The following GPHN variants were observed in gnomAD, a reference collection of about 807,000 sequenced individuals.
GPHN encodes the protein gephyrin.
In GPHN, 17 loss-of-function variants were observed where a neutral mutation model predicts 95.5. That is an observed-to-expected ratio of 0.18 (90% CI 0.12 to 0.27). GPHN has a LOEUF of 0.27. Ranked by LOEUF, GPHN falls within the 10% of genes least tolerant of loss-of-function variation. GPHN has a pLI of 1.00. For missense variants in GPHN, 660 were observed against 978.1 expected, an observed-to-expected ratio of 0.67 and a Z score of 4.34; for synonymous variants, 320 against 322.5, an observed-to-expected ratio of 0.99 and a Z score of 0.08.
chr14:67,423,776 T>C, the GPHN span, among the ~76,000 whole-genome samples: 1 of 152,220 alleles, frequency 6.6e-6, no homozygotes, highest in African/African-American at 2.4e-5. Context: ...GGTGAGTGTG[T>C]GGCTGTCACA....
the GPHN span, among the ~76,000 whole-genome samples, chr14:67,409,392 TA>T: frequency 1.3e-5 from 2 of 151,960 alleles, no homozygotes; most frequent in Non-Finnish European, 2.9e-5. Context: ...AAATACAAAA[TA>T]AAATAAAAAT....
the GPHN span, among the ~76,000 whole-genome samples, chr14:67,543,264 A>G: frequency 6.6e-6 from 1 of 152,246 alleles, no homozygotes; most frequent in Non-Finnish European, 1.5e-5. Context: ...GCTGGAGTCC[A>G]GCAGGACAAA....
intron 1 of GPHN, among the ~76,000 whole-genome samples, chr14:66,582,537 C>T (rs541037754): frequency 3.0e-4 from 46 of 151,806 alleles, no homozygotes; most frequent in Non-Finnish European, 4.3e-4. Context: ...CTCCCCTCTC[C>T]CCCCACCCCA....
At chr14:67,101,934 C>T (rs966682474) in intron 13 of GPHN, among the ~76,000 whole-genome samples, 23 of 151,998 alleles carry the variant, frequency 1.5e-4, no homozygotes, top group Non-Finnish European at 2.1e-4. Context: ...TGCAGTGGCG[C>T]GATCTCGGCT....
chr14:67,438,353 C>A, the GPHN span, among the ~76,000 whole-genome samples: 1 of 152,186 alleles, frequency 6.6e-6, no homozygotes, highest in East Asian at 1.9e-4. Context: ...TTCTCAGTTC[C>A]CTTCTCTGAG....
At chr14:66,712,821 T>A (rs545536755) in intron 2 of GPHN, among the ~76,000 whole-genome samples, 2 of 152,308 alleles carry the variant, frequency 1.3e-5, no homozygotes, top group East Asian at 3.9e-4. Context: ...GTTTTTGGTT[T>A]TTTGATTATG....
the GPHN span, among the ~76,000 whole-genome samples, chr14:67,328,311 C>T: frequency 6.6e-6 from 1 of 152,090 alleles, no homozygotes; most frequent in East Asian, 1.9e-4. Flanking sequence ...TATCCTTTGC[C>T]CACTTTTTGA....
intron 2 of GPHN, among the ~76,000 whole-genome samples, chr14:66,685,914 A>G (rs1421724578): frequency 2.6e-5 from 4 of 152,124 alleles, no homozygotes; most frequent in African/African-American, 4.8e-5. Flanking sequence ...ATCTTGAATT[A>G]ATTTTTGTAT....
chr14:67,438,631 T>G, the GPHN span, among the ~76,000 whole-genome samples: 1 of 151,796 alleles, frequency 6.6e-6, no homozygotes, highest in Non-Finnish European at 1.5e-5. Context: ...GAGGTCGAGG[T>G]GGGTGGATCA....
the GPHN span, chr14:67,390,869 A>C: frequency 1.3e-6 from 1 of 765,922 alleles, no homozygotes; most frequent in Non-Finnish European, 2.4e-6. Flanking sequence ...ACATTCTAAA[A>C]CCAGTCCACA....
intron 4 of GPHN, among the ~76,000 whole-genome samples, chr14:66,842,074 C>T (rs2062118518): frequency 6.7e-6 from 1 of 149,266 alleles, no homozygotes; most frequent in Admixed American, 6.7e-5. Context: ...CCCAACCCCC[C>T]CAGCCCCGCC....
At chr14:66,516,213 T>A (rs2058240820) in intron 1 of GPHN, among the ~76,000 whole-genome samples, 1 of 151,580 alleles carries the variant, frequency 6.6e-6, no homozygotes, top group South Asian at 2.1e-4. Flanking sequence ...AGACAGAGTT[T>A]TACCATGTTG....
At chr14:67,223,687 C>A in the GPHN span, 1 of 954,220 alleles carries the variant, frequency 1.0e-6, no homozygotes, top group Non-Finnish European at 1.2e-6. Context: ...TGTTTGTTTT[C>A]TCTTATGTAT....
chr14:66,523,644 A>C (rs774732492), intron 1 of GPHN, among the ~76,000 whole-genome samples: 3 of 152,096 alleles, frequency 2.0e-5, no homozygotes, highest in Non-Finnish European at 4.4e-5. Context: ...TTCATCTGTC[A>C]AATGGAAAAT....
the GPHN span, among the ~76,000 whole-genome samples, chr14:67,342,678 T>C: frequency 1.3e-5 from 2 of 150,594 alleles, no homozygotes; most frequent in African/African-American, 2.4e-5. Flanking sequence ...AGTTAATATA[T>C]AGTTAATATA....
the GPHN span, among the ~76,000 whole-genome samples, chr14:67,215,706 T>TA: frequency 6.6e-5 from 10 of 152,126 alleles, no homozygotes; most frequent in Non-Finnish European, 1.3e-4. Context: ...AAGGTTTATT[T>TA]AAAAAAACAA....
intron 17 of GPHN, among the ~76,000 whole-genome samples, chr14:67,130,048 T>C (rs2079604534): frequency 6.6e-6 from 1 of 152,230 alleles, no homozygotes; most frequent in Non-Finnish European, 1.5e-5. Context: ...CTTCTTTTGA[T>C]TGCACAGTGC....
At chr14:67,496,917 C>T in the GPHN span, among the ~76,000 whole-genome samples, 7 of 151,968 alleles carry the variant, frequency 4.6e-5, no homozygotes, top group South Asian at 2.1e-4. Context: ...CCTGCCTCAG[C>T]GTCCTGAGTA....
At chr14:67,388,828 C>T in the GPHN span, among the ~76,000 whole-genome samples, 22 of 152,134 alleles carry the variant, frequency 1.4e-4, no homozygotes, top group South Asian at 8.3e-4. Context: ...TACAAGCACA[C>T]GCCACCACAC....
Sources: gnomAD v4.1 joint callset for allele counts (sites outside exome capture counted in the v4.1 genomes callset) on GRCh38, gnomAD v4.1.1 for gene constraint, MANE v1.5 for transcripts, NCBI Gene and HGNC (gene_info 2026-07-23, HGNC 2026-07-21) for gene names.